The following FHIT variants were observed in gnomAD, a reference collection of about 807,000 sequenced individuals.
FHIT encodes bis(5'-adenosyl)-triphosphatase.
Under a neutral mutation model 17.9 loss-of-function variants are expected in FHIT, and 19 were observed. The ratio of observed to expected loss-of-function variants is 1.06; its 90% confidence interval spans 0.74 to 1.56. The LOEUF is 1.56. Ranked by LOEUF, FHIT falls within the 40% of genes most tolerant of loss-of-function variation. The probability of loss-of-function intolerance (pLI) is 0.00; values close to 1 mark genes in which losing one functional copy is unlikely to be tolerated. For synonymous variants in FHIT, 81 were observed against 69.7 expected, an observed-to-expected ratio of 1.16 and a Z score of -0.81; for missense variants, 248 against 189.2, an observed-to-expected ratio of 1.31 and a Z score of -1.82.
chr3:59,780,430 T>C (rs1267827796), intron 8 of FHIT, among the ~76,000 whole-genome samples: 1 of 152,234 alleles, frequency 6.6e-6, no homozygotes, highest in African/African-American at 2.4e-5. Context: ...GTTCCTTCTC[T>C]ATGTACAGGA....
At chr3:60,255,504 G>C (rs184499053) in intron 5 of FHIT, among the ~76,000 whole-genome samples, 1 of 152,102 alleles carries the variant, frequency 6.6e-6, no homozygotes, top group Non-Finnish European at 1.5e-5. Flanking sequence ...GCACCACCCG[G>C]GGCGACAAAC....
At chr3:60,655,231 G>T (rs1252651547) in intron 4 of FHIT, among the ~76,000 whole-genome samples, 2 of 152,182 alleles carry the variant, frequency 1.3e-5, no homozygotes, top group Non-Finnish European at 2.9e-5. Context: ...AGCTGGAGGT[G>T]GGAAGGGTGG....
chr3:60,709,192 A>G (rs2041451931), intron 4 of FHIT, among the ~76,000 whole-genome samples: 3 of 152,204 alleles, frequency 2.0e-5, no homozygotes, highest in Non-Finnish European at 4.4e-5. Context: ...TTATTTTAAA[A>G]TGACAGTAAT....
At chr3:60,730,495 A>C in intron 4 of FHIT, 1 of 196,160 alleles carries the variant, frequency 5.1e-6, no homozygotes, top group Non-Finnish European at 1.2e-5. Context: ...GATGCCCAGG[A>C]AGCCACCTTC....
chr3:60,439,962 T>C (rs2030646083), intron 5 of FHIT, among the ~76,000 whole-genome samples: 1 of 152,050 alleles, frequency 6.6e-6, no homozygotes, highest in African/African-American at 2.4e-5. Context: ...TCCTTTACTC[T>C]TTCTCACCAT....
At chr3:61,138,671 G>A (rs369355507) in intron 2 of FHIT, among the ~76,000 whole-genome samples, 2 of 152,166 alleles carry the variant, frequency 1.3e-5, no homozygotes, top group East Asian at 3.9e-4. Flanking sequence ...GTTGAAATCA[G>A]CACATCCTTC....
intron 4 of FHIT, among the ~76,000 whole-genome samples, chr3:60,590,353 C>A (rs6779985): frequency 0.2 from 30,984 of 151,914 alleles, 5,467 homozygotes; most frequent in African/African-American, 0.48. Flanking sequence ...GCCACAGCAG[C>A]AAACTAGAAC....
chr3:60,860,403 G>GTATACATGACATAC (rs1703656544), intron 3 of FHIT, among the ~76,000 whole-genome samples: 1 of 138,088 alleles, frequency 7.2e-6, no homozygotes, highest in Non-Finnish European at 1.6e-5. Flanking sequence ...ATGTATATAT[G>GTATACATGACATAC]ACATACATCA....
At chr3:61,227,081 G>A (rs2106853712) in intron 1 of FHIT, among the ~76,000 whole-genome samples, 1 of 152,306 alleles carries the variant, frequency 6.6e-6, no homozygotes, top group East Asian at 1.9e-4. Flanking sequence ...AGACATTTAA[G>A]TTAAGGTCAG....
chr3:60,756,998 A>G (rs932969392), intron 4 of FHIT, among the ~76,000 whole-genome samples: 1 of 152,204 alleles, frequency 6.6e-6, no homozygotes, highest in African/African-American at 2.4e-5. Flanking sequence ...AAGACCAACC[A>G]CAAAAAAAGA....
chr3:60,062,765 G>C lies in FHIT; in HGVS notation c.104-48613C>G, dbSNP rs574388515. On this transcript the variant is annotated intron_variant, in intron 5 of 9. Transcript: ENST00000492590. ...TGGATGAAATTATAATGGATATGGA[G>C]GAGTTTTGTTTTTTTGGTTTGAGAA... 9.2e-5 allele frequency among the ~76,000 whole-genome samples: 14 copies of C among 151,690 alleles called. No individual in the cohort carries two copies. The South Asian group carries it at 2.7e-3, about 29-fold the overall frequency.
At position 60,630,374 on chromosome 3, in the gene FHIT, C is replaced by T. The variant is rs564433953; in HGVS notation, c.-17-93395G>A. 3.3e-5 allele frequency among the ~76,000 whole-genome samples: 5 copies of T among 152,282 alleles called. No homozygotes were observed. The East Asian group carries it at 5.8e-4, about 18-fold the overall frequency. Reference sequence around the variant, plus strand: ...CTATTCCCCCAGGGAGACTAAAATGCCTAAGCAATGCTCTCGTTGATCACA... The same window carrying T: ...CTATTCCCCCAGGGAGACTAAAATGTCTAAGCAATGCTCTCGTTGATCACA... On this transcript the variant is annotated intron_variant, in intron 4 of 9. Transcript: ENST00000492590.
At chr3:60,881,184 C>G (rs541380675) in intron 3 of FHIT, among the ~76,000 whole-genome samples, 2 of 152,104 alleles carry the variant, frequency 1.3e-5, no homozygotes, top group South Asian at 4.1e-4. Flanking sequence ...AGTGAAAAAA[C>G]TGTAAAAAGA....
chr3:60,724,663 T>C (rs537802225), intron 4 of FHIT, among the ~76,000 whole-genome samples: 1 of 149,450 alleles, frequency 6.7e-6, no homozygotes. Context: ...TTTTTTTGTT[T>C]TTTTTTTTTT....
intron 7 of FHIT, among the ~76,000 whole-genome samples, chr3:59,943,199 T>A (rs1706618332): frequency 6.6e-6 from 1 of 152,036 alleles, no homozygotes; most frequent in East Asian, 1.9e-4. Context: ...AAAATAGGAA[T>A]CAGGAAGCTG....
chr3:60,093,335 A>T (rs866541197), intron 5 of FHIT, among the ~76,000 whole-genome samples: 25 of 152,070 alleles, frequency 1.6e-4, no homozygotes, highest in African/African-American at 5.8e-4. Flanking sequence ...ATGGGACGAA[A>T]CCATCTCACA....
chr3:59,918,411 G>C (rs935878443), intron 8 of FHIT, among the ~76,000 whole-genome samples: 6 of 152,148 alleles, frequency 3.9e-5, no homozygotes, highest in African/African-American at 1.2e-4. Context: ...AGTTACTCTA[G>C]AGGGGACAGA....
chr3:60,372,248 G>C (rs928079079), intron 5 of FHIT, among the ~76,000 whole-genome samples: 1 of 152,136 alleles, frequency 6.6e-6, no homozygotes, highest in African/African-American at 2.4e-5. Context: ...AGAAAATGAA[G>C]AGACGTATTC....
chr3:59,863,482 C>A (rs1447488842), intron 8 of FHIT, among the ~76,000 whole-genome samples: 1 of 152,212 alleles, frequency 6.6e-6, no homozygotes, highest in Non-Finnish European at 1.5e-5. Context: ...AGATCTCCTT[C>A]CATTAGCATC....
Sources: gnomAD v4.1 joint callset for allele counts (sites outside exome capture counted in the v4.1 genomes callset) on GRCh38, gnomAD v4.1.1 for gene constraint, MANE v1.5 for transcripts, NCBI Gene and HGNC (gene_info 2026-07-23, HGNC 2026-07-21) for gene names.